CHD3: variants seen among roughly 807,000 people sequenced by gnomAD.
CHD3 encodes the protein ATP-dependent chromatin remodeler CHD3.
In CHD3, 52 loss-of-function variants were observed where a neutral mutation model predicts 248.9. That is an observed-to-expected ratio of 0.21 (90% CI 0.17 to 0.26). The LOEUF is 0.26. Ranked by LOEUF, CHD3 falls within the 10% of genes least tolerant of loss-of-function variation. The pLI, the probability that CHD3 is intolerant of heterozygous loss-of-function variation, is 1.00. For missense variants in CHD3, 1,482 were observed against 2,605.8 expected, an observed-to-expected ratio of 0.57 and a Z score of 9.39; for synonymous variants, 985 against 985.2, an observed-to-expected ratio of 1.00 and a Z score of 0.00.
Position 7,910,955 on chromosome 17 carries a change from G to A in CHD3, c.5863G>A (p.Ala1955Thr). The change falls in exon 39 of 40, where the codon GCA (alanine) becomes ACA (threonine). Residue 1955 changes from alanine to threonine, a missense_variant. Physicochemically the swap from Ala to Thr is moderately conservative, Grantham distance 58 (BLOSUM62 0). Coordinates refer to ENST00000330494, the MANE Select transcript of CHD3 (RefSeq NM_001005273.3). This position sits in a 1 kb window ranked among gnomAD's most constrained non-coding sequence, Gnocchi z 4.7. ...AAGANYSQMP[A>T]GSFITAATNG... is the part of the protein sequence containing the mutation. ...AGGCGCCAATTACAGCCAGATGCCT[G>A]CAGGGTCCTTCATCACAGGTCAGCT... The A allele has an allele frequency of 1.2e-6, 2 of 1,613,218 alleles. No individual in the cohort carries two copies. Among genetic ancestry groups the A allele is most frequent in the Non-Finnish European group, 8.5e-7 (1 of 1,179,690 alleles).
At chr17:7,884,893 CGAGGAG>C (rs770383628), upstream of CHD3, 63 of 1,280,306 alleles carry the variant, frequency 4.9e-5, no homozygotes, top group Middle Eastern at 2.9e-4. Flanking sequence ...AAGAGGGCGA[CGAGGAG>C]GAGGAGGAGG....
chr17:7,894,024 A>T, intron 6 of CHD3, 89 bp downstream of exon 6: 2 of 1,597,336 alleles, frequency 1.3e-6, no homozygotes, highest in Non-Finnish European at 1.7e-6. Context: ...AGAGACAGGG[A>T]TCCGTGAGGG....
At chr17:7,901,136 G>C in intron 19 of CHD3, 108 bp from the exon 20 acceptor site, 1 of 1,516,230 alleles carries the variant, frequency 6.6e-7, no homozygotes, top group East Asian at 2.3e-5. Context: ...AGGAGGAATT[G>C]GGAACATGTG....
At position 7,910,318 on chromosome 17, in the gene CHD3, C is replaced by G. The variant is rs758291284; in HGVS notation, c.5591-110C>G. ...CTTTGACATCTGTGTTCTCCTCTCT[C>G]GCTCTTTTTCTGCCTGTATCTGTCC... On this transcript the variant is annotated intron_variant, in intron 37 of 39. Coordinates refer to ENST00000330494, the MANE Select transcript of CHD3 (RefSeq NM_001005273.3). The surrounding 1 kb of genome is among the most constrained non-coding windows in gnomAD (Gnocchi z 4.7). 1 of 1,326,028 alleles carries G rather than the reference C, an allele frequency of 7.5e-7. No individual in the cohort carries two copies. 82.1% of individuals were successfully genotyped at this position (1,326,028 alleles called of 1,614,324 possible).
chr17:7,895,392 G>A lies in CHD3; in HGVS notation c.1557G>A (p.Glu519=), dbSNP rs970938994. Reference sequence around the variant, plus strand: ...AGATCCTACATTGGCGGTGGGGGGAGCCACCTGTAGCAGTGCCAGCCCCTC... The same window carrying A: ...AGATCCTACATTGGCGGTGGGGGGAACCACCTGTAGCAGTGCCAGCCCCTC... The part of the protein sequence containing the change: ...VQKILHWRWG[E]PPVAVPAPQQ... The change falls in exon 10 of 40, where the codon GAG becomes GAA. Residue 519 remains glutamate (E), a synonymous_variant. Coordinates refer to ENST00000330494, the MANE Select transcript of CHD3 (RefSeq NM_001005273.3). This position sits in a 1 kb window ranked among gnomAD's most constrained non-coding sequence, Gnocchi z 4.9. 1.3e-5 allele frequency: 21 copies of A among 1,614,042 alleles called. No homozygotes were observed. The highest frequency in any genetic ancestry group is 1.8e-5 in the Non-Finnish European group (21 of 1,180,040).
upstream of CHD3, among the ~76,000 whole-genome samples, chr17:7,888,037 C>G (rs1380684801): frequency 1.3e-5 from 2 of 152,214 alleles, no homozygotes; most frequent in Non-Finnish European, 2.9e-5. Flanking sequence ...AGTTGGCCTG[C>G]CCTTGCCACT....
chr17:7,910,032 G>C lies in CHD3; in HGVS notation c.5591-396G>C. The C allele has an allele frequency of 3.3e-6, 1 of 303,358 alleles. No individual in the cohort carries two copies. Among genetic ancestry groups the C allele is most frequent in the Non-Finnish European group, 6.3e-6 (1 of 158,196 alleles). The allele number at this position is 303,358 out of a possible 1,614,324, so 18.8% of individuals were successfully genotyped here. On this transcript the variant is annotated intron_variant, in intron 37 of 39. Transcript: ENST00000330494. The surrounding 1 kb of genome is among the most constrained non-coding windows in gnomAD (Gnocchi z 4.7). ...AGCTTTGACACTTACCACCTCCCAT[G>C]CCTCCTGACTATTTCCTCCCCATCA...
upstream of CHD3, among the ~76,000 whole-genome samples, chr17:7,887,139 G>T (rs1968087635): frequency 6.6e-6 from 1 of 152,040 alleles, no homozygotes; most frequent in East Asian, 1.9e-4. Context: ...CCTAAGTGTG[G>T]GGAAAAGAAC....
chr17:7,894,704 G>A lies in CHD3; in HGVS notation c.1269+96G>A. The A allele has an allele frequency of 2.2e-6, 3 of 1,390,018 alleles. No homozygotes were observed. The Admixed American group carries it at 6.1e-5, about 28-fold the overall frequency. The allele number at this position is 1,390,018 out of a possible 1,614,324, so 86.1% of individuals were successfully genotyped here. A position where few individuals can be genotyped will look rare whatever the true frequency, so the allele number is the denominator to read the frequency against. ...ACCCTCTTCCTGCCCCCAGATGGCT[G>A]GACTTCTTAGTAACAGATGTCCGAG... On this transcript the variant is annotated intron_variant, in intron 8 of 39. Transcript: ENST00000330494.
At position 7,904,674 on chromosome 17, in the gene CHD3, A is replaced by G; in HGVS notation, c.4072+55A>G. The G allele has an allele frequency of 3.3e-6, 5 of 1,500,068 alleles. No homozygotes were observed. The highest frequency in any genetic ancestry group is 1.4e-5 in the African/African-American group (1 of 72,118). The allele number at this position is 1,500,068 out of a possible 1,614,324, so 92.9% of individuals were successfully genotyped here. The stretch of plus-strand genomic sequence containing the variant: ...AGGGGGGAAGTGATGATGAGTAGGG[A>G]CTTGAAGGCTGGAGCTATTTAGAGG... On this transcript the variant is annotated intron_variant, in intron 25 of 39. Coordinates refer to ENST00000330494, the MANE Select transcript of CHD3 (RefSeq NM_001005273.3). The surrounding 1 kb of genome is among the most constrained non-coding windows in gnomAD (Gnocchi z 4.4).
upstream of CHD3, chr17:7,888,777 C>G (rs1219472476): frequency 7.2e-7 from 1 of 1,392,494 alleles, no homozygotes; most frequent in Non-Finnish European, 9.3e-7. Context: ...CTGGGTGTGT[C>G]TGTCTGTGCC....
Position 7,893,857 on chromosome 17 carries a change from G to A in CHD3, c.846G>A (p.Lys282=). 6.2e-7 allele frequency: 1 copy of A among 1,614,130 alleles called. No homozygotes were observed. Among genetic ancestry groups the A allele is most frequent in the Non-Finnish European group, 8.5e-7 (1 of 1,180,016 alleles). ...SKSPRVPDGR[K]KLRGKKMAPL... ...GCCCCCGAGTGCCTGATGGACGCAA[G>A]AAGCTTCGGGGAAAGAAAATGGCAC... Residue 282 remains lysine, a synonymous_variant, in exon 6 of 40, where the codon AAG becomes AAA. Transcript: ENST00000330494.
At chr17:7,894,325 A>C in intron 7 of CHD3, 60 bp downstream of exon 7, 17 of 1,593,322 alleles carry the variant, frequency 1.1e-5, no homozygotes, top group Non-Finnish European at 1.5e-5. Flanking sequence ...TCTTATTTTC[A>C]ATTTTGACTT....
chr17:7,905,434 A>T lies in CHD3; in HGVS notation c.4139-187A>T, dbSNP rs1970810762. Among the ~76,000 whole-genome samples the T allele has an allele frequency of 6.6e-6, 1 of 152,180 alleles. No homozygotes were observed. ...TTGTCAGATATCAGCTGTTAATTTTAAAATATGACTGGTTCTTTTAGACTT... is the reference window on the plus strand; with the variant it reads ...TTGTCAGATATCAGCTGTTAATTTTTAAATATGACTGGTTCTTTTAGACTT... On this transcript the variant is annotated intron_variant, in intron 26 of 39. Coordinates refer to ENST00000330494, the MANE Select transcript of CHD3 (RefSeq NM_001005273.3). The surrounding 1 kb of genome is among the most constrained non-coding windows in gnomAD (Gnocchi z 5.8).
In CHD3 at chr17:7,895,610, C is replaced by T; in HGVS notation, c.1707+68C>T. 6 of 1,385,308 alleles carry T rather than the reference C, an allele frequency of 4.3e-6. No homozygotes were observed. The Admixed American group carries it at 7.0e-5, about 16-fold the overall frequency. The allele number at this position is 1,385,308 out of a possible 1,614,324, so 85.8% of individuals were successfully genotyped here. The stretch of plus-strand genomic sequence containing the variant: ...CCTGCCATCCTCTCCCTCTCTTACT[C>T]CTCTGTTTGTTGGGTTCCCATACTC... On this transcript the variant is annotated intron_variant, in intron 10 of 39. Coordinates refer to ENST00000330494, the MANE Select transcript of CHD3 (RefSeq NM_001005273.3). This position sits in a 1 kb window ranked among gnomAD's most constrained non-coding sequence, Gnocchi z 4.9.
In CHD3 at chr17:7,905,796, A is replaced by T; in HGVS notation, c.4225-60A>T. The T allele has an allele frequency of 6.2e-7, 1 of 1,614,076 alleles. No individual in the cohort carries two copies. The highest frequency in any genetic ancestry group is 1.1e-5 in the South Asian group (1 of 91,086). On this transcript the variant is annotated intron_variant, in intron 27 of 39. Coordinates refer to ENST00000330494, the MANE Select transcript of CHD3 (RefSeq NM_001005273.3). The surrounding 1 kb of genome is among the most constrained non-coding windows in gnomAD (Gnocchi z 5.8). Reference sequence around the variant, plus strand: ...GGTGCCTGGATCACTGAAGGTAGAAAGGACAAGACCTAAGAACCCTAGACA... The same window carrying T: ...GGTGCCTGGATCACTGAAGGTAGAATGGACAAGACCTAAGAACCCTAGACA...
rs929879145 is a variant in CHD3, at chr17:7,906,465, G to A, written c.4359-88G>A. The A allele has an allele frequency of 7.0e-7, 1 of 1,423,088 alleles. No individual in the cohort carries two copies. The highest frequency in any genetic ancestry group is 9.8e-7 in the Non-Finnish European group (1 of 1,025,164). 88.2% of individuals were successfully genotyped at this position (1,423,088 alleles called of 1,614,324 possible). On this transcript the variant is annotated intron_variant, in intron 28 of 39. Transcript: ENST00000330494. The surrounding 1 kb of genome is among the most constrained non-coding windows in gnomAD (Gnocchi z 5.0). ...AGCACCTGGGGATTTGGGGGTTTGG[G>A]GGTCCTCAGTCATCCTCGCGCCTCC...
rs1466525836 is a variant in CHD3, at chr17:7,896,062, C to T, written c.1707+520C>T. Among the ~76,000 whole-genome samples the T allele has an allele frequency of 2.0e-5, 3 of 151,756 alleles. No individual in the cohort carries two copies. In the East Asian group the frequency reaches 5.9e-4, roughly 30 times the overall value. ...CTAACATGGTGAAACCCCATCTCTA[C>T]TAAAAATACAAAAAAATTAGCTGGG... On this transcript the variant is annotated intron_variant, in intron 10 of 39. Transcript: ENST00000330494.
In CHD3 at chr17:7,895,991, C is replaced by T. The variant is rs572611695; in HGVS notation, c.1707+449C>T. Among the ~76,000 whole-genome samples, 92 of 151,886 alleles carry T rather than the reference C, an allele frequency of 6.1e-4. No homozygotes were observed. Among genetic ancestry groups the T allele is most frequent in the African/African-American group, 1.2e-3 (49 of 41,420 alleles). On this transcript the variant is annotated intron_variant, in intron 10 of 39. Transcript: ENST00000330494. The surrounding 1 kb of genome is among the most constrained non-coding windows in gnomAD (Gnocchi z 4.9). ...CTGTAATCCCAGTACTTTGGGAGGCCGAGGTGGGCGGATCACCTGAGGTCA... is the reference window on the plus strand; with the variant it reads ...CTGTAATCCCAGTACTTTGGGAGGCTGAGGTGGGCGGATCACCTGAGGTCA...
Sources: allele counts gnomAD v4.1 joint callset (sites outside exome capture counted in the v4.1 genomes callset), GRCh38; gene constraint gnomAD v4.1.1; non-coding constraint Gnocchi (gnomAD v3.1); transcripts MANE v1.5; gene names NCBI Gene and HGNC (gene_info 2026-07-23, HGNC 2026-07-21).